PGPEP1: variants seen among roughly 807,000 people sequenced by gnomAD.
PGPEP1 encodes the protein pyroglutamyl-peptidase I, also known as pyroglutamyl-peptidase 1.
Under a neutral mutation model 24.1 loss-of-function variants are expected in PGPEP1, and 15 were observed. That is an observed-to-expected ratio of 0.62 (90% CI 0.42 to 0.96). PGPEP1 has a LOEUF of 0.96. Among genes scored for constraint, PGPEP1 ranks in the 40% least tolerant of loss-of-function variants. PGPEP1 has a pLI of 0.00. For synonymous variants in PGPEP1, 122 were observed against 116.4 expected (o/e 1.05, Z -0.31); for missense variants, 242 against 273.4 (o/e 0.89, Z 0.81).
chr19:18,353,529 A>T (rs1288705023), intron 2 of PGPEP1, among the ~76,000 whole-genome samples: 1 of 152,154 alleles, frequency 6.6e-6, no homozygotes, highest in Non-Finnish European at 1.5e-5. Context: ...ATTTTAAAGT[A>T]TATAATTGCA....
At chr19:18,353,028 C>T (rs1971082746) in intron 2 of PGPEP1, among the ~76,000 whole-genome samples, 1 of 151,828 alleles carries the variant, frequency 6.6e-6, no homozygotes, top group Non-Finnish European at 1.5e-5. Context: ...AGCCATACTC[C>T]TGCCTCAGCC....
At chr19:18,360,602 G>A (rs188610459) in intron 4 of PGPEP1, among the ~76,000 whole-genome samples, 17 of 152,030 alleles carry the variant, frequency 1.1e-4, no homozygotes, top group African/African-American at 3.9e-4. Flanking sequence ...TTGGCTTGCT[G>A]CAACCTCCAC....
At position 18,364,114 on chromosome 19, in the gene PGPEP1, TGC is replaced by T. The variant is rs1971450675; in HGVS notation, c.*532_*533del. ...TTTCTTTCTTTCTTTCTTTCTTTCT[TGC>T]TTTCTTTCTTTCTTGCTTTCTTTCT... On this transcript the variant is annotated 3_prime_UTR_variant, in exon 5 of 5. Transcript: ENST00000269919. 2 of 118,666 alleles carry T rather than the reference TGC, an allele frequency of 1.7e-5. No individual in the cohort carries two copies. Among genetic ancestry groups the T allele is most frequent in the Non-Finnish European group, 3.7e-5 (2 of 54,788 alleles). 7.4% of individuals were successfully genotyped at this position (118,666 alleles called of 1,614,324 possible).
rs1970714699 is a variant in PGPEP1 at position 18,342,894 on chromosome 19, A to T, written c.70A>T (p.Ser24Cys). 1.2e-6 allele frequency: 2 copies of T among 1,613,636 alleles called. No individual in the cohort carries two copies. ...GPFGEHTVNA[S>C]WIAVQELEKL... ...TTTTGGGGAACACACCGTGAACGCCAGTTGGATTGCAGTTCAGGTAACTTA... is the reference window on the plus strand; with the variant it reads ...TTTTGGGGAACACACCGTGAACGCCTGTTGGATTGCAGTTCAGGTAACTTA... The change falls in exon 2 of 5, where the codon AGT becomes TGT. Residue 24 changes from serine to cysteine, a missense_variant. Transcript: ENST00000269919.
At chr19:18,362,758 G>A (rs1390772795) in intron 4 of PGPEP1, among the ~76,000 whole-genome samples, 1 of 151,236 alleles carries the variant, frequency 6.6e-6, no homozygotes, top group East Asian at 1.9e-4. Context: ...CAGTGGTGGT[G>A]GTGCACACCT....
At chr19:18,353,540 T>A (rs1340242944) in intron 2 of PGPEP1, among the ~76,000 whole-genome samples, 11 of 152,268 alleles carry the variant, frequency 7.2e-5, no homozygotes, top group Non-Finnish European at 5.9e-5. Context: ...TATAATTGCA[T>A]GGCATTAAGT....
intron 2 of PGPEP1, among the ~76,000 whole-genome samples, chr19:18,344,805 G>C (rs1970786874): frequency 6.6e-6 from 1 of 152,090 alleles, no homozygotes. Flanking sequence ...ACAAAGCCGG[G>C]TGTCTGAATT....
intron 4 of PGPEP1, among the ~76,000 whole-genome samples, chr19:18,360,873 C>G (rs1971328980): frequency 6.6e-6 from 1 of 151,948 alleles, no homozygotes; most frequent in Non-Finnish European, 1.5e-5. Context: ...AGCTTTGTCA[C>G]CCAGGCTGGA....
At chr19:18,341,627 A>C (rs1298876348) in intron 1 of PGPEP1, among the ~76,000 whole-genome samples, 4 of 152,180 alleles carry the variant, frequency 2.6e-5, no homozygotes, top group Non-Finnish European at 5.9e-5. Context: ...GAGGAGGGTC[A>C]CTGCCCCCAT....
At position 18,357,330 on chromosome 19, in the gene PGPEP1, C is replaced by T. The variant is rs1002986879; in HGVS notation, c.205-53C>T. On this transcript the variant is annotated intron_variant, in intron 3 of 4. Transcript: ENST00000269919. ...CCTTTTCCCTGGCCTCAGGGGGACC[C>T]CTCTGAGTCCCACGGGCAGGCCATG... The T allele has an allele frequency of 4.2e-6, 6 of 1,415,994 alleles. No individual in the cohort carries two copies. The African/African-American group carries it at 8.4e-5, about 20-fold the overall frequency. The allele number at this position is 1,415,994 out of a possible 1,614,324, so 87.7% of individuals were successfully genotyped here. A position where few individuals can be genotyped will look rare whatever the true frequency, so the allele number is the denominator to read the frequency against.
intron 2 of PGPEP1, among the ~76,000 whole-genome samples, chr19:18,351,764 A>C (rs781246083): frequency 1.2e-4 from 18 of 152,020 alleles, no homozygotes; most frequent in Admixed American, 3.9e-4. Flanking sequence ...GCAATGTAGC[A>C]AGACCCCATC....
chr19:18,359,568 C>CGCG (rs1971284320), intron 4 of PGPEP1, among the ~76,000 whole-genome samples: 1 of 149,156 alleles, frequency 6.7e-6, no homozygotes, highest in South Asian at 2.1e-4. Flanking sequence ...AGTGCATTGG[C>CGCG]GCGATCTTGG....
chr19:18,342,551 G>T (rs1307358306), intron 1 of PGPEP1, among the ~76,000 whole-genome samples: 1 of 152,222 alleles, frequency 6.6e-6, no homozygotes, highest in African/African-American at 2.4e-5. Flanking sequence ...GGGGACCAGA[G>T]GAAGTGAAGA....
intron 3 of PGPEP1, 60 bp downstream of exon 3, chr19:18,356,071 G>T: frequency 9.8e-7 from 1 of 1,020,500 alleles, no homozygotes; most frequent in Non-Finnish European, 1.6e-6. Flanking sequence ...CACCCTTCAT[G>T]TGGAGGACTT....
chr19:18,344,078 A>G (rs1970760780), intron 2 of PGPEP1, among the ~76,000 whole-genome samples: 1 of 152,074 alleles, frequency 6.6e-6, no homozygotes, highest in African/African-American at 2.4e-5. Flanking sequence ...ATTCTCTGGT[A>G]TGTTTTAGGC....
At position 18,342,884 on chromosome 19, in the gene PGPEP1, C is replaced by G. The variant is rs147343602; in HGVS notation, c.60C>G (p.Thr20=). The G allele has an allele frequency of 1.2e-6, 2 of 1,613,676 alleles. No individual in the cohort carries two copies. The highest frequency in any genetic ancestry group is 2.7e-5 in the African/African-American group (2 of 74,878). The change falls in exon 2 of 5, where the codon ACC becomes ACG. Residue 20 remains threonine, a synonymous_variant. Transcript: ENST00000269919. ...GATTTGGCCCTTTTGGGGAACACAC[C>G]GTGAACGCCAGTTGGATTGCAGTTC... The part of the protein sequence containing the change: ...VTGFGPFGEH[T]VNASWIAVQE...
At position 18,357,408 on chromosome 19, in the gene PGPEP1, G is replaced by A. The variant is rs151009416; in HGVS notation, c.230G>A (p.Gly77Asp). The change falls in exon 4 of 5, where the codon GGC becomes GAC. Residue 77 changes from glycine to aspartate, a missense_variant. By Grantham distance (94) the Gly-to-Asp change is moderately conservative (BLOSUM62 -1). Transcript: ENST00000269919. ...CTGGTGGTGCATGTGGGGGTGTCAG[G>A]CATGGCGACCACAGTCACACTGGAG... ...PQLVVHVGVS[G>D]MATTVTLEKC... 19 of 1,613,688 alleles carry A rather than the reference G, an allele frequency of 1.2e-5. No individual in the cohort carries two copies. Among genetic ancestry groups the A allele is most frequent in the Non-Finnish European group, 1.5e-5 (18 of 1,179,898 alleles).
At chr19:18,343,189 G>A (rs112841993) in intron 2 of PGPEP1, among the ~76,000 whole-genome samples, 9,649 of 151,878 alleles carry the variant, frequency 0.064, 1,052 homozygotes, top group African/African-American at 0.22. Context: ...TAGTAGAGTC[G>A]GGGTTTCACC....
intron 2 of PGPEP1, among the ~76,000 whole-genome samples, chr19:18,347,229 G>A (rs11879615): frequency 2.1e-5 from 3 of 146,254 alleles, no homozygotes; most frequent in Non-Finnish European, 4.5e-5. Flanking sequence ...CTACAGGCAT[G>A]CACCACCACA....
Sources: allele counts gnomAD v4.1 joint callset (sites outside exome capture counted in the v4.1 genomes callset), GRCh38; gene constraint gnomAD v4.1.1; transcripts MANE v1.5; gene names NCBI Gene and HGNC (gene_info 2026-07-23, HGNC 2026-07-21).